The following GTF3C1 variants were observed in gnomAD, a reference collection of about 807,000 sequenced individuals.
GTF3C1 encodes the protein general transcription factor IIIC subunit 1.
A neutral mutation model predicts 226.7 loss-of-function variants in GTF3C1; 57 were observed. That is an observed-to-expected ratio of 0.25 (90% CI 0.20 to 0.31). The LOEUF (loss-of-function observed/expected upper bound fraction) is 0.31, where lower values mean the gene tolerates loss of function less well. Among genes scored for constraint, GTF3C1 ranks in the 10% least tolerant of loss-of-function variants. GTF3C1 has a pLI of 1.00. For missense variants in GTF3C1, 2,217 were observed against 2,776.1 expected, an observed-to-expected ratio of 0.80 and a Z score of 4.53; for synonymous variants, 1,090 against 1,084.8, an observed-to-expected ratio of 1.00 and a Z score of -0.09.
At chr16:27,464,087 C>G (rs2087745301) in intron 34 of GTF3C1, 2 of 445,764 alleles carry the variant, frequency 4.5e-6, no homozygotes, top group Non-Finnish European at 7.8e-6. Flanking sequence ...TGAGCTCCTG[C>G]TCTGGAACTC....
chr16:27,517,429 G>A lies in GTF3C1; in HGVS notation c.974-5528C>T, dbSNP rs570430739. 2.6e-4 allele frequency among the ~76,000 whole-genome samples: 40 copies of A among 152,308 alleles called. 1 individual carries two copies. The South Asian group carries it at 8.1e-3, about 31-fold the overall frequency. On this transcript the variant is annotated intron_variant, in intron 6 of 36. Transcript: ENST00000356183. The stretch of plus-strand genomic sequence containing the variant: ...GAGCGAGGCCTACTGCCCCATTTAA[G>A]CTGCCACCTCAGTGACCAGCAATTC...
rs779237690 is a variant in GTF3C1 at position 27,533,336 on chromosome 16, T to G, written c.804A>C (p.Thr268=). 1.2e-6 allele frequency: 2 copies of G among 1,609,476 alleles called. No homozygotes were observed. Among genetic ancestry groups the G allele is most frequent in the Non-Finnish European group, 1.7e-6 (2 of 1,175,746 alleles). The change falls in exon 5 of 37, where the codon ACA becomes ACC. Residue 268 remains threonine, a synonymous_variant. Coordinates refer to ENST00000356183, the MANE Select transcript of GTF3C1 (RefSeq NM_001520.4). ...LMEKLSVMLS[T]RTNHIETLGK... Reference sequence around the variant, plus strand: ...CCAGCGTCTCTATGTGGTTAGTCCGTGTGCTCAGCATGACCGAAAGCTTCT... The same window carrying G: ...CCAGCGTCTCTATGTGGTTAGTCCGGGTGCTCAGCATGACCGAAAGCTTCT...
In GTF3C1 at chr16:27,519,881, A is replaced by T. The variant is rs923610564; in HGVS notation, c.974-7980T>A. Among the ~76,000 whole-genome samples, 6 of 152,160 alleles carry T rather than the reference A, an allele frequency of 3.9e-5. No homozygotes were observed. The South Asian group carries it at 1.2e-3, about 31-fold the overall frequency. ...CAGCACTTTGGGAGGACAAGACAGG[A>T]GGATCACTTGAGCCCAAGAGTTCGC... On this transcript the variant is annotated intron_variant, in intron 6 of 36. Transcript: ENST00000356183.
intron 14 of GTF3C1, 93 bp downstream of exon 14, chr16:27,497,544 G>A (rs1030285823): frequency 1.9e-5 from 19 of 990,180 alleles, no homozygotes; most frequent in African/African-American, 1.1e-4. Flanking sequence ...ACTGCGGCTC[G>A]GAGCTCAAAT....
chr16:27,466,791 A>G (rs2087792935), intron 32 of GTF3C1, among the ~76,000 whole-genome samples: 1 of 152,242 alleles, frequency 6.6e-6, no homozygotes, highest in Admixed American at 6.5e-5. Context: ...TGTTGCTGAC[A>G]TGGAGAAAGT....
At chr16:27,477,753 T>C (rs932914995) in intron 28 of GTF3C1, among the ~76,000 whole-genome samples, 1 of 152,246 alleles carries the variant, frequency 6.6e-6, no homozygotes, top group African/African-American at 2.4e-5. Flanking sequence ...TGGTTAGGTT[T>C]TGAGGAGTCA....
chr16:27,515,836 A>AT (rs2088650050), intron 6 of GTF3C1, among the ~76,000 whole-genome samples: 1 of 152,216 alleles, frequency 6.6e-6, no homozygotes, highest in African/African-American at 2.4e-5. Context: ...CAACATGACC[A>AT]CCCAGCACTT....
intron 2 of GTF3C1, among the ~76,000 whole-genome samples, chr16:27,542,348 G>A (rs748393532): frequency 1.1e-4 from 16 of 152,168 alleles, no homozygotes; most frequent in Non-Finnish European, 1.9e-4. Context: ...ATCACCTGAG[G>A]TCAGGAGTTC....
At chr16:27,544,991 T>G (rs1393347642) in intron 2 of GTF3C1, among the ~76,000 whole-genome samples, 2 of 92,502 alleles carry the variant, frequency 2.2e-5, no homozygotes, top group Non-Finnish European at 4.6e-5. Flanking sequence ...TTTTTTTTTG[T>G]AGACAGGGTC....
intron 1 of GTF3C1, among the ~76,000 whole-genome samples, chr16:27,548,701 CCTCT>C (rs1408193150): frequency 6.6e-6 from 1 of 152,120 alleles, no homozygotes; most frequent in South Asian, 2.1e-4. Flanking sequence ...TTACATAATC[CCTCT>C]CTGTGACTCA....
chr16:27,520,452 T>C (rs2088727964), intron 6 of GTF3C1, among the ~76,000 whole-genome samples: 1 of 151,898 alleles, frequency 6.6e-6, no homozygotes, highest in South Asian at 2.1e-4. Flanking sequence ...TTTTTTCTAC[T>C]TCCCCCCACT....
intron 25 of GTF3C1, among the ~76,000 whole-genome samples, chr16:27,483,663 A>G (rs1181997088): frequency 6.6e-6 from 1 of 152,262 alleles, no homozygotes; most frequent in African/African-American, 2.4e-5. Flanking sequence ...CTTGCCAGGT[A>G]CAGACTCATT....
At chr16:27,511,675 G>A (rs1004092484) in intron 7 of GTF3C1, 74 bp downstream of exon 7, 30 of 1,493,012 alleles carry the variant, frequency 2.0e-5, no homozygotes, top group African/African-American at 1.5e-4. Flanking sequence ...GCTCTCTCTC[G>A]ACATGTGGGC....
At position 27,502,899 on chromosome 16, in the gene GTF3C1, C is replaced by G; in HGVS notation, c.1867G>C (p.Glu623Gln). Reference protein sequence around the residue: ...RLLKRRNLIIEAVTNLRLIES... With the variant: ...RLLKRRNLIIQAVTNLRLIES... ...ATTAAGCGAAGATTGGTGACAGCTT[C>G]TATGATCAGATTCCTGCGTTTCAGC... Residue 623 changes from glutamate to glutamine, a missense_variant, in exon 11 of 37, where the codon GAA becomes CAA. By Grantham distance (29) the Glu-to-Gln change is conservative. Coordinates refer to ENST00000356183, the MANE Select transcript of GTF3C1 (RefSeq NM_001520.4). 6.2e-7 allele frequency: 1 copy of G among 1,609,426 alleles called. No individual in the cohort carries two copies. The highest frequency in any genetic ancestry group is 8.5e-7 in the Non-Finnish European group (1 of 1,177,820).
intron 2 of GTF3C1, among the ~76,000 whole-genome samples, chr16:27,541,840 A>G (rs2089088765): frequency 6.6e-6 from 1 of 152,140 alleles, no homozygotes; most frequent in Admixed American, 6.6e-5. Flanking sequence ...GAGGGCAGGG[A>G]GCACACACGA....
At chr16:27,518,383 T>A (rs2088694662) in intron 6 of GTF3C1, among the ~76,000 whole-genome samples, 1 of 152,252 alleles carries the variant, frequency 6.6e-6, no homozygotes, top group Non-Finnish European at 1.5e-5. Context: ...ATAACTTGGC[T>A]ATGTAATATG....
chr16:27,461,375 T>C lies in GTF3C1; in HGVS notation c.6305A>G (p.Asn2102Ser), dbSNP rs149217296. 1.2e-6 allele frequency: 2 copies of C among 1,612,350 alleles called. No individual in the cohort carries two copies. The highest frequency in any genetic ancestry group is 1.3e-5 in the African/African-American group (1 of 74,978). ...RLGRVFPHEV[N>S]WNKWIHL is the part of the protein sequence containing the mutation. ...CTAGAGGTGGATCCACTTGTTCCAG[T>C]TGACCTCGTGGGGGAACACACGGCC... Residue 2102 changes from asparagine (N) to serine (S), a missense_variant, in exon 37 of 37, where the codon AAC (asparagine) becomes AGC (serine). By Grantham distance (46) the Asn-to-Ser change is conservative. Around this residue, in one of 12 missense-constraint regions of GTF3C1, gnomAD observed 153 missense variants for 199.8 expected, o/e 0.77. Coordinates refer to ENST00000356183, the MANE Select transcript of GTF3C1 (RefSeq NM_001520.4). The surrounding 1 kb of genome is among the most constrained non-coding windows in gnomAD (Gnocchi z 5.3).
chr16:27,544,023 T>G (rs143762958), intron 2 of GTF3C1, among the ~76,000 whole-genome samples: 318 of 152,026 alleles, frequency 2.1e-3, no homozygotes, highest in African/African-American at 7.2e-3. Flanking sequence ...TACAAGGGAT[T>G]TGAGGTCAAG....
chr16:27,531,621 C>T (rs1391447778), intron 5 of GTF3C1, among the ~76,000 whole-genome samples: 1 of 152,230 alleles, frequency 6.6e-6, no homozygotes, highest in Non-Finnish European at 1.5e-5. Context: ...CATACACACT[C>T]CCTGAAGTAT....
Sources: gnomAD v4.1 joint callset for allele counts (sites outside exome capture counted in the v4.1 genomes callset) on GRCh38, gnomAD v4.1.1 for gene constraint, gnomAD v4.1.1 regional missense constraint, Gnocchi (gnomAD v3.1) non-coding constraint, MANE v1.5 for transcripts, NCBI Gene and HGNC (gene_info 2026-07-23, HGNC 2026-07-21) for gene names.